ACSL1: variants seen among roughly 807,000 people sequenced by gnomAD.
ACSL1 encodes long-chain-fatty-acid--CoA ligase 1.
ACSL1 carries 41 observed loss-of-function variants against 98.4 expected under a neutral mutation model. That is an observed-to-expected ratio of 0.42 (90% CI 0.32 to 0.54). The LOEUF (loss-of-function observed/expected upper bound fraction) is 0.54. ACSL1 is among the 20% of genes least tolerant of loss of function. The pLI is 0.13. For missense variants in ACSL1, 734 were observed against 883.1 expected (o/e 0.83, Z 2.14); for synonymous variants, 316 against 322.7 (o/e 0.98, Z 0.22).
rs748861673 is a variant in ACSL1 at position 184,773,086 on chromosome 4, T to C, written c.910A>G (p.Thr304Ala). Residue 304 changes from threonine (T) to alanine (A), a missense_variant, in exon 10 of 21, where the codon ACA becomes GCA. Coordinates refer to ENST00000281455, the MANE Select transcript of ACSL1 (RefSeq NM_001995.5). This position sits in a 1 kb window ranked among gnomAD's most constrained non-coding sequence, Gnocchi z 4.3. ...VSDCSAFVKA[T>A]ENTVNPCPDD... ...ACGACATCCCAAAAAGTTACCTCTG[T>C]TGCTTTCACAAAAGCTGAACAATCG... The C allele has an allele frequency of 1.2e-6, 2 of 1,613,874 alleles. No individual in the cohort carries two copies. Among genetic ancestry groups the C allele is most frequent in the South Asian group, 1.1e-5 (1 of 91,070 alleles).
chr4:184,806,197 C>T (rs1010394313), intron 1 of ACSL1, among the ~76,000 whole-genome samples: 1 of 152,094 alleles, frequency 6.6e-6, no homozygotes, highest in Non-Finnish European at 1.5e-5. Flanking sequence ...CTGCAAGGCA[C>T]GGGGGAAGGC....
rs1763000281 is a variant in ACSL1 at position 184,762,514 on chromosome 4, T to G, written c.1531A>C (p.Lys511Gln). The G allele has an allele frequency of 6.2e-7, 1 of 1,613,890 alleles. No homozygotes were observed. The highest frequency in any genetic ancestry group is 8.5e-7 in the Non-Finnish European group (1 of 1,179,854). ...TAGCCCTGAAATACATTTGGCCCTT[T>G]CACACACACCTAAAGAAAAGAAGAT... ...AAEGEGEVCV[K>Q]GPNVFQGYLK... Residue 511 changes from lysine (K) to glutamine (Q), a missense_variant, in exon 17 of 21, where the codon AAA becomes CAA. Coordinates refer to ENST00000281455, the MANE Select transcript of ACSL1 (RefSeq NM_001995.5).
intron 10 of ACSL1, 151 bp downstream of exon 10, chr4:184,772,930 G>C: frequency 1.7e-6 from 1 of 589,340 alleles, no homozygotes; most frequent in Non-Finnish European, 2.9e-6. Flanking sequence ...AGAGAAGGTG[G>C]ACTTGGGCCT....
intron 10 of ACSL1, 76 bp from the exon 11 acceptor site, chr4:184,770,552 G>A: frequency 1.2e-6 from 1 of 859,064 alleles, no homozygotes; most frequent in South Asian, 1.4e-5. Flanking sequence ...ACCAGGGACG[G>A]TTGTGGGGTA....
chr4:184,764,909 C>A lies in ACSL1; in HGVS notation c.1376G>T (p.Gly459Val). The change falls in exon 15 of 21, where the codon GGA becomes GTA. Residue 459 changes from glycine (G) to valine (V), a missense_variant. Transcript: ENST00000281455. ...GCACCCGGCAGTGCACTCTGTCTGT[C>A]CGTATCCTTCATAAAACTGGGGCAC... ...ALGCQFYEGYGQTECTAGCCL... is the reference protein window; with the variant it reads ...ALGCQFYEGYVQTECTAGCCL... 1 of 1,613,942 alleles carries A rather than the reference C, an allele frequency of 6.2e-7. No individual in the cohort carries two copies. The highest frequency in any genetic ancestry group is 8.5e-7 in the Non-Finnish European group (1 of 1,179,934).
At chr4:184,786,692 CT>C (rs34391801) in intron 3 of ACSL1, among the ~76,000 whole-genome samples, 2,440 of 123,750 alleles carry the variant, frequency 0.02, 45 homozygotes, top group African/African-American at 0.057. Flanking sequence ...TAGGCACTTT[CT>C]TTTTTTTTTT....
At position 184,825,729 on chromosome 4, in the gene ACSL1, G is replaced by A. The variant is rs560993293; in HGVS notation, c.-33+187C>T. Among the ~76,000 whole-genome samples, 44 of 149,880 alleles carry A rather than the reference G, an allele frequency of 2.9e-4. No individual in the cohort carries two copies. The South Asian group carries it at 8.7e-3, about 30-fold the overall frequency. On this transcript the variant is annotated intron_variant, in intron 1 of 20. Coordinates refer to ENST00000281455, the MANE Select transcript of ACSL1 (RefSeq NM_001995.5). This position sits in a 1 kb window ranked among gnomAD's most constrained non-coding sequence, Gnocchi z 4.7. ...ACCCCGGAGGCCTCCGGCTGCCGAG[G>A]GAAGCGGGGCCGCGGGCAGGAGGCC...
At chr4:184,784,953 T>C (rs544718391) in intron 3 of ACSL1, among the ~76,000 whole-genome samples, 1 of 152,322 alleles carries the variant, frequency 6.6e-6, no homozygotes, top group East Asian at 1.9e-4. Flanking sequence ...CAATCAGATG[T>C]TGCTTCCAGA....
chr4:184,779,313 T>C (rs1371108090), intron 5 of ACSL1, among the ~76,000 whole-genome samples: 1 of 152,214 alleles, frequency 6.6e-6, no homozygotes, highest in East Asian at 1.9e-4. Flanking sequence ...TTTCTGCTTT[T>C]GCTTCTTCCG....
chr4:184,817,014 A>G (rs991124332), intron 1 of ACSL1, among the ~76,000 whole-genome samples: 2 of 152,178 alleles, frequency 1.3e-5, no homozygotes, highest in African/African-American at 4.8e-5. Context: ...AGGGGATATG[A>G]TAGTAAACAA....
chr4:184,772,388 C>A (rs1266263785), intron 10 of ACSL1, among the ~76,000 whole-genome samples: 3 of 152,132 alleles, frequency 2.0e-5, no homozygotes, highest in Non-Finnish European at 2.9e-5. Context: ...AAAGAGACTG[C>A]AAAAGCCAAT....
intron 1 of ACSL1, among the ~76,000 whole-genome samples, chr4:184,816,799 G>A (rs1157562445): frequency 1.3e-5 from 2 of 152,144 alleles, no homozygotes; most frequent in East Asian, 1.9e-4. Context: ...TGGTTCTACC[G>A]CGTGGGGGTA....
intron 1 of ACSL1, among the ~76,000 whole-genome samples, chr4:184,824,199 C>G (rs528609280): frequency 6.6e-6 from 1 of 152,306 alleles, no homozygotes; most frequent in South Asian, 2.1e-4. Context: ...GATCTCAGCT[C>G]ATCACAACTT....
chr4:184,818,087 G>A (rs1772776699), intron 1 of ACSL1, among the ~76,000 whole-genome samples: 1 of 152,176 alleles, frequency 6.6e-6, no homozygotes, highest in African/African-American at 2.4e-5. Flanking sequence ...TCCACTGTGA[G>A]GTGCCTGGCT....
chr4:184,783,126 G>A (rs1579892069), intron 4 of ACSL1, among the ~76,000 whole-genome samples: 1 of 152,306 alleles, frequency 6.6e-6, no homozygotes, highest in Non-Finnish European at 1.5e-5. Flanking sequence ...CTGTTCCGGG[G>A]TGCCGTGTGG....
intron 1 of ACSL1, among the ~76,000 whole-genome samples, chr4:184,809,348 A>G (rs1771796162): frequency 6.6e-6 from 1 of 152,222 alleles, no homozygotes; most frequent in Non-Finnish European, 1.5e-5. Flanking sequence ...CCCAAAATAA[A>G]GAGATCTCAA....
At chr4:184,801,983 C>T (rs747102519) in intron 2 of ACSL1, among the ~76,000 whole-genome samples, 1 of 152,214 alleles carries the variant, frequency 6.6e-6, no homozygotes, top group Non-Finnish European at 1.5e-5. Flanking sequence ...GAGATGGCAG[C>T]GCTGCCGTGA....
chr4:184,805,603 G>T (rs1771304538), intron 1 of ACSL1: 2 of 839,730 alleles, frequency 2.4e-6, no homozygotes, highest in Non-Finnish European at 2.9e-6. Context: ...CCTGGAAGTG[G>T]GCGGGGGTTA....
intron 2 of ACSL1, chr4:184,798,148 T>C (rs893809408): frequency 1.3e-5 from 2 of 152,236 alleles, no homozygotes; most frequent in Non-Finnish European, 2.9e-5. Context: ...TTGTAAGATA[T>C]GAACCCATGC....
Sources: gnomAD v4.1 joint callset for allele counts (sites outside exome capture counted in the v4.1 genomes callset) on GRCh38, gnomAD v4.1.1 for gene constraint, Gnocchi (gnomAD v3.1) non-coding constraint, MANE v1.5 for transcripts, NCBI Gene and HGNC (gene_info 2026-07-23, HGNC 2026-07-21) for gene names.